MYO16: variants seen among roughly 807,000 people sequenced by gnomAD.
The protein encoded by MYO16 is unconventional myosin-XVI.
MYO16 carries 94 observed loss-of-function variants against 205.3 expected under a neutral mutation model. The observed-to-expected ratio is 0.46, with a 90% CI of 0.39 to 0.54. The LOEUF is 0.54. MYO16 is among the 20% of genes least tolerant of loss of function. The pLI, the probability that MYO16 is intolerant of heterozygous loss-of-function variation, is 0.00. For synonymous variants in MYO16, 988 were observed against 954.0 expected, an observed-to-expected ratio of 1.04 and a Z score of -0.66; for missense variants, 2,315 against 2,387.5, an observed-to-expected ratio of 0.97 and a Z score of 0.63.
At chr13:108,654,380 A>G (rs189260755) in intron 1 of MYO16, among the ~76,000 whole-genome samples, 13 of 152,320 alleles carry the variant, frequency 8.5e-5, no homozygotes, top group African/African-American at 1.9e-4. Flanking sequence ...GCATTTCTGC[A>G]TCTTCCTCAT....
At chr13:108,522,985 C>CA in the MYO16 span, among the ~76,000 whole-genome samples, 3 of 152,060 alleles carry the variant, frequency 2.0e-5, no homozygotes. Context: ...CAATCCATAA[C>CA]AAAAAATGCC....
chr13:108,992,984 A>G (rs1884886501), intron 21 of MYO16, among the ~76,000 whole-genome samples: 1 of 152,204 alleles, frequency 6.6e-6, no homozygotes, highest in Admixed American at 6.5e-5. Context: ...ATAGCACTGC[A>G]TGAATAGTTT....
intron 33 of MYO16, among the ~76,000 whole-genome samples, chr13:109,167,550 G>A (rs1214802184): frequency 6.6e-6 from 1 of 152,120 alleles, no homozygotes; most frequent in Non-Finnish European, 1.5e-5. Context: ...GCTCATGTCT[G>A]CAGATGCACA....
chr13:108,517,929 C>T, the MYO16 span, among the ~76,000 whole-genome samples: 19,061 of 152,148 alleles, frequency 0.13, 1,361 homozygotes, highest in East Asian at 0.23. Flanking sequence ...AGGGAACTCG[C>T]TCCAGCCTCT....
intron 23 of MYO16, among the ~76,000 whole-genome samples, chr13:109,030,954 A>C (rs1389970381): frequency 6.6e-6 from 1 of 152,114 alleles, no homozygotes; most frequent in Non-Finnish European, 1.5e-5. Context: ...TCTCAATCCA[A>C]ATACTCCACT....
chr13:108,647,381 G>A (rs1293495973), intron 1 of MYO16, among the ~76,000 whole-genome samples: 1 of 152,004 alleles, frequency 6.6e-6, no homozygotes, highest in African/African-American at 2.4e-5. Flanking sequence ...CTATTTTTTT[G>A]TAATGCTGTT....
chr13:109,061,007 G>A (rs1887575001), intron 27 of MYO16, among the ~76,000 whole-genome samples: 2 of 152,150 alleles, frequency 1.3e-5, no homozygotes, highest in South Asian at 2.1e-4. Flanking sequence ...TACATCAAAT[G>A]TGCTGTTTCT....
chr13:109,064,791 A>T (rs1158846238), intron 27 of MYO16, among the ~76,000 whole-genome samples: 2 of 152,162 alleles, frequency 1.3e-5, no homozygotes, highest in Non-Finnish European at 2.9e-5. Context: ...CTTGGCCAAG[A>T]CCAACATAGA....
At chr13:108,842,459 C>T (rs448603) in intron 9 of MYO16, among the ~76,000 whole-genome samples, 89,403 of 151,892 alleles carry the variant, frequency 0.59, 27,688 homozygotes, top group Middle Eastern at 0.72. Flanking sequence ...AGAACCTGAA[C>T]AGACATTTTT....
chr13:108,605,186 G>A (rs75467299), intron 1 of MYO16, among the ~76,000 whole-genome samples: 2,851 of 152,258 alleles, frequency 0.019, 92 homozygotes, highest in South Asian at 0.16. Flanking sequence ...TAGACATAAT[G>A]TGGACTCCTG....
intron 27 of MYO16, among the ~76,000 whole-genome samples, chr13:109,077,237 C>A (rs1280739897): frequency 6.6e-6 from 1 of 152,082 alleles, no homozygotes; most frequent in Non-Finnish European, 1.5e-5. Context: ...CCAGGATGGT[C>A]TTGAACTCTT....
intron 16 of MYO16, among the ~76,000 whole-genome samples, chr13:108,955,943 A>G (rs762429968): frequency 8.5e-5 from 13 of 152,154 alleles, no homozygotes; most frequent in Non-Finnish European, 1.5e-4. Flanking sequence ...TGGACACGCC[A>G]TTCTTTCCTC....
At chr13:109,147,465 T>C (rs945216672) in intron 32 of MYO16, among the ~76,000 whole-genome samples, 2 of 152,180 alleles carry the variant, frequency 1.3e-5, no homozygotes, top group African/African-American at 4.8e-5. Flanking sequence ...AACATTATCG[T>C]CATTTATTCT....
intron 22 of MYO16, among the ~76,000 whole-genome samples, chr13:109,012,034 A>G (rs1885619527): frequency 1.3e-5 from 2 of 152,158 alleles, no homozygotes; most frequent in Admixed American, 6.5e-5. Flanking sequence ...GTATCTACAC[A>G]TTTAAAAGCA....
chr13:108,956,295 T>C (rs896497595), intron 16 of MYO16, among the ~76,000 whole-genome samples: 5 of 152,082 alleles, frequency 3.3e-5, no homozygotes, highest in African/African-American at 1.2e-4. Flanking sequence ...TTCACCCCCT[T>C]GTACTGCCAG....
chr13:108,511,278 G>A, the MYO16 span, among the ~76,000 whole-genome samples: 2 of 135,656 alleles, frequency 1.5e-5, no homozygotes, highest in South Asian at 5.1e-4. Flanking sequence ...CTTCTTTTGA[G>A]AAGTGTCTGT....
At chr13:108,591,841 A>G (rs1036460797), upstream of MYO16, among the ~76,000 whole-genome samples, 1 of 152,122 alleles carries the variant, frequency 6.6e-6, no homozygotes, top group African/African-American at 2.4e-5. Flanking sequence ...GACTTTGAGT[A>G]TAACATGGCT....
At chr13:108,731,820 C>T (rs7324627) in intron 4 of MYO16, among the ~76,000 whole-genome samples, 65,722 of 151,932 alleles carry the variant, frequency 0.43, 15,227 homozygotes, top group Non-Finnish European at 0.54. Context: ...CATTCATTTA[C>T]TAAATATTTA....
chr13:109,086,954 T>G (rs1888451510), intron 27 of MYO16, among the ~76,000 whole-genome samples: 1 of 152,256 alleles, frequency 6.6e-6, no homozygotes, highest in Non-Finnish European at 1.5e-5. Flanking sequence ...ACATTAAAAT[T>G]CACTGCTACT....
Sources: gnomAD v4.1 joint callset for allele counts (sites outside exome capture counted in the v4.1 genomes callset) on GRCh38, gnomAD v4.1.1 for gene constraint, MANE v1.5 for transcripts, NCBI Gene and HGNC (gene_info 2026-07-23, HGNC 2026-07-21) for gene names.